The following ACE variants were observed in gnomAD, a reference collection of about 807,000 sequenced individuals.
ACE encodes the protein angiotensin I converting enzyme.
In ACE, 122 loss-of-function variants were observed where a neutral mutation model predicts 162.3. The ratio of observed to expected loss-of-function variants is 0.75; its 90% confidence interval spans 0.65 to 0.87. ACE has a LOEUF of 0.87. Among genes scored for constraint, ACE ranks in the 40% least tolerant of loss-of-function variants. The pLI, the probability that ACE is intolerant of heterozygous loss-of-function variation, is 0.00. For missense variants in ACE, 1,799 were observed against 1,735.1 expected (o/e 1.04, Z -0.65); for synonymous variants, 796 against 720.6 (o/e 1.10, Z -1.68).
intron 12 of ACE, 85 bp from the exon 13 acceptor site, chr17:63,485,151 G>A (rs777223155): frequency 6.9e-6 from 11 of 1,600,756 alleles, no homozygotes; most frequent in Middle Eastern, 1.7e-4. Context: ...AAGGGAGTGC[G>A]AGAGGGATAA....
In ACE at chr17:63,477,200, C is replaced by T. The variant is rs761292178; in HGVS notation, c.106C>T (p.Pro36Ser). 1.3e-6 allele frequency: 2 copies of T among 1,487,250 alleles called. No homozygotes were observed. The highest frequency in any genetic ancestry group is 5.8e-5 in the East Asian group (2 of 34,372). 92.1% of individuals were successfully genotyped at this position (1,487,250 alleles called of 1,614,324 possible). The change falls in exon 1 of 25, where the codon CCC (proline) becomes TCC (serine). Residue 36 changes from proline (P) to serine (S), a missense_variant. Coordinates refer to ENST00000290866, the MANE Select transcript of ACE (RefSeq NM_000789.4). ...CCTGGCGTTGGACCCCGGGCTGCAG[C>T]CCGGCAACTTTTCTGCTGACGAGGC... ...PALALDPGLQ[P>S]GNFSADEAGA...
rs1399318948 is a variant in ACE, at chr17:63,483,961, G to A, written c.1699G>A (p.Ala567Thr). ...CDIYRSTKAG[A>T]KLRKVLQAGS... ...CATCTACCGGTCCACCAAGGCAGGG[G>A]CCAAGCTCCGGTGTGTGGTGGGAAG... The change falls in exon 11 of 25, where the codon GCC becomes ACC. Residue 567 changes from alanine to threonine, a missense_variant. Ala to Thr is a moderately conservative substitution (Grantham distance 58). Transcript: ENST00000290866. 1.2e-6 allele frequency: 2 copies of A among 1,613,730 alleles called. No individual in the cohort carries two copies. The highest frequency in any genetic ancestry group is 1.7e-5 in the Admixed American group (1 of 59,984).
At position 63,491,056 on chromosome 17, in the gene ACE, G is replaced by C. The variant is rs774239045; in HGVS notation, c.2739+5G>C. On this transcript the variant is annotated splice_donor_5th_base_variant and intron_variant, in intron 18 of 24. Transcript: ENST00000290866. This position sits in a 1 kb window ranked among gnomAD's most constrained non-coding sequence, Gnocchi z 4.4. ...ACAGAGGCTATGCTAAAGCAGGTCC[G>C]CACCAGCCCAGGGGCAGGGAGGCCC... is the stretch of plus-strand genomic sequence containing the variant. 27 of 1,613,886 alleles carry C rather than the reference G, an allele frequency of 1.7e-5. No homozygotes were observed. The highest frequency in any genetic ancestry group is 2.2e-5 in the Non-Finnish European group (26 of 1,179,976).
intron 15 of ACE, chr17:63,488,444 G>A (rs2030122281): frequency 9.0e-6 from 4 of 445,158 alleles, no homozygotes; most frequent in Non-Finnish European, 1.6e-5. Context: ...GGTGTCTGCA[G>A]CATGTGGCCC....
intron 13 of ACE, chr17:63,486,356 C>T: frequency 1.6e-6 from 1 of 635,168 alleles, no homozygotes; most frequent in Non-Finnish European, 2.8e-6. Flanking sequence ...TGCTTGACCG[C>T]AGGCATCCAG....
intron 15 of ACE, among the ~76,000 whole-genome samples, chr17:63,487,625 T>G (rs2030047305): frequency 6.6e-6 from 1 of 152,166 alleles, no homozygotes. Flanking sequence ...AGCTCTTGAC[T>G]GTCCTCTTTT....
At position 63,494,558 on chromosome 17, in the gene ACE, C is replaced by CT. The variant is rs901560778; in HGVS notation, c.3380+89dup. ...GCGGCCACTGCCCGGTCCACAAGCTCTGTCAGTCAGGGCAGACCCGGGGGA... is the reference window on the plus strand; with the variant it reads ...GCGGCCACTGCCCGGTCCACAAGCTCTTGTCAGTCAGGGCAGACCCGGGGGA... On this transcript the variant is annotated intron_variant, in intron 22 of 24. Transcript: ENST00000290866. 21 of 1,262,074 alleles carry CT rather than the reference C, an allele frequency of 1.7e-5. No individual in the cohort carries two copies. In the Admixed American group the frequency reaches 3.7e-4, roughly 22 times the overall value. The allele number at this position is 1,262,074 out of a possible 1,614,324, so 78.2% of individuals were successfully genotyped here.
chr17:63,494,226 G>T (rs889934491), intron 21 of ACE, 146 bp from the exon 22 acceptor site: 3 of 1,258,408 alleles, frequency 2.4e-6, no homozygotes, highest in Non-Finnish European at 3.4e-6. Context: ...GGGAAAACGG[G>T]GTGATTGTGC....
At chr17:63,495,214 A>G (rs546570399) in intron 22 of ACE, among the ~76,000 whole-genome samples, 1 of 152,256 alleles carries the variant, frequency 6.6e-6, no homozygotes, top group African/African-American at 2.4e-5. Context: ...GAGTGTGCCC[A>G]ATGCAGCCCC....
At chr17:63,481,371 A>T (rs146527324) in intron 6 of ACE, among the ~76,000 whole-genome samples, 183 bp downstream of exon 6, 91 of 152,282 alleles carry the variant, frequency 6.0e-4, no homozygotes, top group African/African-American at 2.1e-3. Flanking sequence ...TCCAGGCTCC[A>T]CAGTGGCAGG....
Position 63,491,144 on chromosome 17 carries a change from C to G in ACE, c.2740-65C>G, listed in dbSNP as rs1451741654. 5.6e-6 allele frequency: 9 copies of G among 1,610,612 alleles called. No individual in the cohort carries two copies. The highest frequency in any genetic ancestry group is 7.6e-6 in the Non-Finnish European group (9 of 1,178,116). On this transcript the variant is annotated intron_variant, in intron 18 of 24. Coordinates refer to ENST00000290866, the MANE Select transcript of ACE (RefSeq NM_000789.4). The surrounding 1 kb of genome is among the most constrained non-coding windows in gnomAD (Gnocchi z 4.4). ...CTCCAGTTTAGCCCTCCCCCGGGAT[C>G]CCCACGGCAGCACGCAGTCTGTCCC...
rs376673428 is a variant in ACE at position 63,485,233 on chromosome 17, C to T, written c.1922-3C>T. 2.8e-4 allele frequency: 460 copies of T among 1,614,088 alleles called. 1 individual carries two copies. The highest frequency in any genetic ancestry group is 3.8e-4 in the Non-Finnish European group (445 of 1,180,030). On this transcript the variant is annotated splice_region_variant and splice_polypyrimidine_tract_variant and intron_variant, in intron 12 of 24. Coordinates refer to ENST00000290866, the MANE Select transcript of ACE (RefSeq NM_000789.4). ...GTCTGTTTCCCTGCACTCTGTCCCA[C>T]AGACCTGGTGACTGATGAGGCTGAG...
At chr17:63,489,422 A>G (rs1277561804) in intron 17 of ACE, among the ~76,000 whole-genome samples, 1 of 152,142 alleles carries the variant, frequency 6.6e-6, no homozygotes, top group Non-Finnish European at 1.5e-5. Context: ...ACATTGTGTG[A>G]TCTTAGAGGG....
Position 63,481,083 on chromosome 17 carries a change from T to G in ACE, c.848-8T>G. On this transcript the variant is annotated splice_polypyrimidine_tract_variant and splice_region_variant and intron_variant, in intron 5 of 24. Transcript: ENST00000290866. The stretch of plus-strand genomic sequence containing the variant: ...GGAGCCAAGCTGTCCCCTTCCTTCC[T>G]TATCTAGGAGACATGTGGGCCCAGA... 6.2e-7 allele frequency: 1 copy of G among 1,613,640 alleles called. No individual in the cohort carries two copies. The highest frequency in any genetic ancestry group is 1.1e-5 in the South Asian group (1 of 91,070).
At chr17:63,490,713 A>G (rs2147559816) in intron 17 of ACE, 2 of 559,136 alleles carry the variant, frequency 3.6e-6, no homozygotes, top group Admixed American at 5.4e-5. Context: ...GACAGTGAAG[A>G]CCACCTGGAT....
chr17:63,478,980 G>A, intron 2 of ACE, 27 bp from the exon 3 acceptor site: 1 of 1,595,618 alleles, frequency 6.3e-7, no homozygotes, highest in Non-Finnish European at 8.6e-7. Context: ...CTGGTCACTG[G>A]AGCATTCCTC....
rs917761033 is a variant in ACE at position 63,491,658 on chromosome 17, C to T, written c.2912+277C>T. On this transcript the variant is annotated intron_variant, in intron 19 of 24. Coordinates refer to ENST00000290866, the MANE Select transcript of ACE (RefSeq NM_000789.4). This position sits in a 1 kb window ranked among gnomAD's most constrained non-coding sequence, Gnocchi z 4.4. ...TGGGTTTGAGCATGGTAGGCTGCCC[C>T]GCGTCCCTCCTTGGGAGCAGCCCCT... Among the ~76,000 whole-genome samples, 17 of 152,268 alleles carry T rather than the reference C, an allele frequency of 1.1e-4. No homozygotes were observed. Among genetic ancestry groups the T allele is most frequent in the Admixed American group, 4.6e-4 (7 of 15,296 alleles).
In ACE at chr17:63,493,482, C is replaced by T. The variant is rs1285477249; in HGVS notation, c.2959C>T (p.His987Tyr). Reference sequence around the variant, plus strand: ...GAACTTGGAGGACCTGGTGGTGGCCCACCACGAAATGGGCCACATCCAGTA... The same window carrying T: ...GAACTTGGAGGACCTGGTGGTGGCCTACCACGAAATGGGCCACATCCAGTA... Reference protein sequence around the residue: ...TVNLEDLVVAHHEMGHIQYFM... With the variant: ...TVNLEDLVVAYHEMGHIQYFM... The change falls in exon 20 of 25, where the codon CAC (histidine) becomes TAC (tyrosine). Residue 987 changes from histidine to tyrosine, a missense_variant. Transcript: ENST00000290866. 1.6e-5 allele frequency: 26 copies of T among 1,613,844 alleles called. No homozygotes were observed. Among genetic ancestry groups the T allele is most frequent in the Non-Finnish European group, 2.0e-5 (24 of 1,180,032 alleles).
rs527970822 is a variant in ACE, at chr17:63,497,908, T to C, written c.*542T>C. 4.7e-6 allele frequency: 1 copy of C among 212,952 alleles called. No individual in the cohort carries two copies. Among genetic ancestry groups the C allele is most frequent in the African/African-American group, 2.3e-5 (1 of 42,716 alleles). 13.2% of individuals were successfully genotyped at this position (212,952 alleles called of 1,614,324 possible). On this transcript the variant is annotated 3_prime_UTR_variant, in exon 25 of 25. Coordinates refer to ENST00000290866, the MANE Select transcript of ACE (RefSeq NM_000789.4). ...CATCCTGGGCTGCTGGCCTCACATT[T>C]CCACTGGCAGTGGAGCCTTTCCCTG...
Sources: allele counts gnomAD v4.1 joint callset (sites outside exome capture counted in the v4.1 genomes callset), GRCh38; gene constraint gnomAD v4.1.1; non-coding constraint Gnocchi (gnomAD v3.1); transcripts MANE v1.5; gene names NCBI Gene and HGNC (gene_info 2026-07-23, HGNC 2026-07-21).